PRICKLE1: variants seen among roughly 807,000 people sequenced by gnomAD.
PRICKLE1 encodes the protein prickle-like protein 1.
In PRICKLE1, 14 loss-of-function variants were observed where a neutral mutation model predicts 70.2. The ratio of observed to expected loss-of-function variants is 0.20; its 90% CI spans 0.13 to 0.31. The LOEUF (loss-of-function observed/expected upper bound fraction) is 0.31. Among genes scored for constraint, PRICKLE1 ranks in the 10% least tolerant of loss-of-function variants. The pLI is 1.00. For missense variants in PRICKLE1, 821 were observed against 1,026.2 expected, an observed-to-expected ratio of 0.80 and a Z score of 2.73; for synonymous variants, 357 against 379.9, an observed-to-expected ratio of 0.94 and a Z score of 0.70.
chr12:42,531,373 A>G (rs10880312), intron 1 of PRICKLE1, among the ~76,000 whole-genome samples: 23,723 of 152,196 alleles, frequency 0.16, 2,302 homozygotes, highest in East Asian at 0.23. Context: ...GTACAATAAT[A>G]GTGTTAAAAT....
At chr12:42,568,062 A>G (rs1940651682) in intron 1 of PRICKLE1, among the ~76,000 whole-genome samples, 1 of 152,264 alleles carries the variant, frequency 6.6e-6, no homozygotes, top group Non-Finnish European at 1.5e-5. Context: ...GAAACTAAAG[A>G]AAGTAAATTA....
chr12:42,507,832 C>T (rs892350118), intron 1 of PRICKLE1, among the ~76,000 whole-genome samples: 9 of 152,190 alleles, frequency 5.9e-5, no homozygotes, highest in African/African-American at 1.7e-4. Flanking sequence ...CAGCTTCAAT[C>T]GCAGTATTGA....
At chr12:42,550,975 C>T (rs1017455527) in intron 1 of PRICKLE1, among the ~76,000 whole-genome samples, 5 of 152,140 alleles carry the variant, frequency 3.3e-5, no homozygotes, top group African/African-American at 1.2e-4. Context: ...TTAATAGAAA[C>T]CATCTGCTTA....
chr12:42,536,921 T>G (rs1206154691), intron 1 of PRICKLE1, among the ~76,000 whole-genome samples: 1 of 152,214 alleles, frequency 6.6e-6, no homozygotes, highest in Non-Finnish European at 1.5e-5. Context: ...GGAGGGTTAC[T>G]GGTACGTATA....
At chr12:42,509,892 G>A (rs889502319) in intron 1 of PRICKLE1, among the ~76,000 whole-genome samples, 2 of 151,652 alleles carry the variant, frequency 1.3e-5, no homozygotes, top group Non-Finnish European at 2.9e-5. Context: ...GGCCAACATG[G>A]TGAAACCCTG....
chr12:42,514,887 CTCTATCTATCTATCTA>C lies in PRICKLE1; in HGVS notation c.-48-42339_-48-42324del, dbSNP rs150030888. ...CTACTCTAACTTTTTTTAAGGCTCG[CTCTATCTATCTATCTA>C]TCTATCTATCTATCTATCTATCTAT... On this transcript the variant is annotated intron_variant, in intron 1 of 7. Coordinates refer to ENST00000345127, the MANE Select transcript of PRICKLE1 (RefSeq NM_153026.3). Among the ~76,000 whole-genome samples the C allele has an allele frequency of 3.6e-3, 506 of 139,790 alleles. 1 individual carries two copies. The highest frequency in any genetic ancestry group is 7.2e-3 in the Middle Eastern group (2 of 278). The allele number at this position is 139,790 out of a possible 152,430, so 91.7% of individuals were successfully genotyped here. A position where few individuals can be genotyped will look rare whatever the true frequency, so the allele number is the denominator to read the frequency against.
intron 1 of PRICKLE1, among the ~76,000 whole-genome samples, chr12:42,523,923 C>T (rs766461851): frequency 3.3e-5 from 5 of 152,236 alleles, no homozygotes; most frequent in Non-Finnish European, 5.9e-5. Context: ...AAACACAGTA[C>T]ACATTCCCAG....
chr12:42,492,059 C>T (rs982920177), intron 1 of PRICKLE1, among the ~76,000 whole-genome samples: 11 of 151,634 alleles, frequency 7.3e-5, no homozygotes, highest in African/African-American at 2.7e-4. Context: ...GCTGGGATTA[C>T]AGGCGTGACC....
chr12:42,517,365 T>G (rs1247681592), intron 1 of PRICKLE1, among the ~76,000 whole-genome samples: 1 of 128,660 alleles, frequency 7.8e-6, no homozygotes, highest in Non-Finnish European at 1.5e-5. Context: ...CAGGTTGGAG[T>G]GCAGTGGCAT....
intron 1 of PRICKLE1, among the ~76,000 whole-genome samples, chr12:42,568,039 C>A (rs924592376): frequency 6.6e-6 from 1 of 152,100 alleles, no homozygotes; most frequent in Non-Finnish European, 1.5e-5. Flanking sequence ...CCAGTAAGTA[C>A]CTACCTGGAT....
intron 1 of PRICKLE1, among the ~76,000 whole-genome samples, chr12:42,581,987 A>T (rs1388425853): frequency 6.6e-6 from 1 of 152,132 alleles, no homozygotes; most frequent in Non-Finnish European, 1.5e-5. Context: ...GGAGGGAAAA[A>T]AAAAGAGTGA....
chr12:42,484,705 A>G (rs1938939565), intron 1 of PRICKLE1, among the ~76,000 whole-genome samples: 1 of 152,238 alleles, frequency 6.6e-6, no homozygotes, highest in African/African-American at 2.4e-5. Flanking sequence ...TCCCATACTG[A>G]AGCTAATCTT....
intron 1 of PRICKLE1, among the ~76,000 whole-genome samples, chr12:42,559,418 T>C (rs553344288): frequency 3.9e-5 from 6 of 152,126 alleles, no homozygotes; most frequent in African/African-American, 1.4e-4. Context: ...TCTTGCTCTG[T>C]TGCCCAGGCT....
chr12:42,496,270 T>C (rs1396010016), intron 1 of PRICKLE1, among the ~76,000 whole-genome samples: 1 of 152,246 alleles, frequency 6.6e-6, no homozygotes, highest in African/African-American at 2.4e-5. Context: ...GAAATCTTTT[T>C]TTCTGAATAG....
At chr12:42,572,208 C>T (rs561703063) in intron 1 of PRICKLE1, among the ~76,000 whole-genome samples, 208 of 151,946 alleles carry the variant, frequency 1.4e-3, no homozygotes, top group African/African-American at 1.6e-3. Context: ...CCGAGGCGGG[C>T]GGATTACTTG....
chr12:42,485,302 T>C (rs1938965966), intron 1 of PRICKLE1: 1 of 139,158 alleles, frequency 7.2e-6, no homozygotes, highest in Non-Finnish European at 1.5e-5. Flanking sequence ...AACAGAAAAG[T>C]TGTGGCTCTG....
chr12:42,477,463 T>TAC (rs2140140192), intron 1 of PRICKLE1, among the ~76,000 whole-genome samples: 4 of 74,590 alleles, frequency 5.4e-5, no homozygotes, highest in African/African-American at 1.3e-4. Context: ...TATACGTATA[T>TAC]ATGTGTGTGT....
intron 1 of PRICKLE1, among the ~76,000 whole-genome samples, chr12:42,529,430 TC>T (rs1939869288): frequency 6.6e-6 from 1 of 152,274 alleles, no homozygotes; most frequent in South Asian, 2.1e-4. Flanking sequence ...TTGTCTACTT[TC>T]TTGGGAGACA....
chr12:42,468,497 G>T (rs988321021), intron 5 of PRICKLE1, 129 bp downstream of exon 5: 33 of 858,744 alleles, frequency 3.8e-5, no homozygotes, highest in Non-Finnish European at 6.1e-5. Flanking sequence ...GAATGTACAG[G>T]ATTATGTTTA....
Sources: allele counts gnomAD v4.1 joint callset (sites outside exome capture counted in the v4.1 genomes callset), GRCh38; gene constraint gnomAD v4.1.1; transcripts MANE v1.5; gene names NCBI Gene and HGNC (gene_info 2026-07-23, HGNC 2026-07-21).